Variants in KDM5A observed in about 807,000 individuals in gnomAD.
KDM5A encodes the protein lysine-specific demethylase 5A.
KDM5A carries 42 observed loss-of-function variants against 193.5 expected under a neutral mutation model. That is an observed-to-expected ratio of 0.22 (90% CI 0.17 to 0.28). The LOEUF is 0.28. Ranked by LOEUF, KDM5A falls within the 10% of genes least tolerant of loss-of-function variation. The probability of loss-of-function intolerance (pLI) is 1.00; values close to 1 mark genes in which losing one functional copy is unlikely to be tolerated. For missense variants in KDM5A, 1,692 were observed against 2,055.1 expected (o/e 0.82, Z 3.42); for synonymous variants, 796 against 718.1 (o/e 1.11, Z -1.73).
chr12:352,993 T>C (rs1278077930), intron 8 of KDM5A, among the ~76,000 whole-genome samples: 1 of 152,174 alleles, frequency 6.6e-6, no homozygotes, highest in Non-Finnish European at 1.5e-5. Context: ...ATGACAACAC[T>C]GTAAGCTTTC....
rs1591904883 is a variant in KDM5A, at chr12:307,224, C to A, written c.3931-135G>T. On this transcript the variant is annotated intron_variant, in intron 23 of 27. Coordinates refer to ENST00000399788, the MANE Select transcript of KDM5A (RefSeq NM_001042603.3). The surrounding 1 kb of genome is among the most constrained non-coding windows in gnomAD (Gnocchi z 4.3). ...GAGTTCTTCAACAGTTAGTAGAAATCAAATTATTTGATTATGATGCCAAAG... is the reference window on the plus strand; with the variant it reads ...GAGTTCTTCAACAGTTAGTAGAAATAAAATTATTTGATTATGATGCCAAAG... 3.6e-6 allele frequency: 4 copies of A among 1,125,810 alleles called. No homozygotes were observed. The East Asian group carries it at 1.0e-4, about 28-fold the overall frequency. 69.7% of individuals were successfully genotyped at this position (1,125,810 alleles called of 1,614,324 possible).
intron 13 of KDM5A, among the ~76,000 whole-genome samples, chr12:329,404 A>C (rs576223099): frequency 6.6e-6 from 1 of 152,258 alleles, no homozygotes; most frequent in Admixed American, 6.5e-5. Context: ...TAAATAATTA[A>C]ATAAGTTCAG....
chr12:369,256 T>C (rs1274125779), intron 3 of KDM5A, among the ~76,000 whole-genome samples: 2 of 152,242 alleles, frequency 1.3e-5, no homozygotes, highest in Non-Finnish European at 2.9e-5. Context: ...ATGGTTTAGA[T>C]AGAGGGCTGT....
chr12:335,750 C>CAG (rs1324468107), intron 10 of KDM5A, among the ~76,000 whole-genome samples: 1 of 152,006 alleles, frequency 6.6e-6, no homozygotes, highest in Non-Finnish European at 1.5e-5. Context: ...TTAAGAGTCA[C>CAG]AGAGAGGCGG....
intron 19 of KDM5A, among the ~76,000 whole-genome samples, chr12:317,436 CATT>C (rs1427078770): frequency 6.6e-6 from 1 of 152,176 alleles, no homozygotes; most frequent in Non-Finnish European, 1.5e-5. Context: ...TTTCGGTTAA[CATT>C]AATAAGGTAC....
At chr12:303,025 A>C (rs1462187713) in intron 24 of KDM5A, among the ~76,000 whole-genome samples, 5 of 152,198 alleles carry the variant, frequency 3.3e-5, no homozygotes, top group Non-Finnish European at 7.4e-5. Context: ...AACAGATGCT[A>C]CAGAGGATGT....
At position 389,179 on chromosome 12, in the gene KDM5A, G is replaced by A. The variant is rs1431819231; in HGVS notation, c.-88C>T. 1.9e-5 allele frequency: 24 copies of A among 1,235,378 alleles called. No homozygotes were observed. Among genetic ancestry groups the A allele is most frequent in the Non-Finnish European group, 2.5e-5 (21 of 837,318 alleles). The allele number at this position is 1,235,378 out of a possible 1,614,324, so 76.5% of individuals were successfully genotyped here. On this transcript the variant is annotated 5_prime_UTR_variant, in exon 1 of 28. It introduces an in-frame stop codon into an upstream open reading frame of the 5' UTR. Transcript: ENST00000399788. ...CCCACTAAGCCCGTTCAAGTCCCCTGACAGAGGCCGAAGCGCATCTTCGCG... is the reference window on the plus strand; with the variant it reads ...CCCACTAAGCCCGTTCAAGTCCCCTAACAGAGGCCGAAGCGCATCTTCGCG...
chr12:336,403 C>G (rs1022731949), intron 10 of KDM5A, among the ~76,000 whole-genome samples: 9 of 149,748 alleles, frequency 6.0e-5, no homozygotes, highest in African/African-American at 2.2e-4. Context: ...ATAACAAAGT[C>G]CAACACAGGT....
intron 17 of KDM5A, among the ~76,000 whole-genome samples, chr12:321,410 G>A (rs986328850): frequency 6.6e-6 from 1 of 152,200 alleles, no homozygotes; most frequent in African/African-American, 2.4e-5. Flanking sequence ...ATCTCAAGAA[G>A]GTTAAAATGT....
At chr12:326,351 G>A (rs1709629693) in intron 14 of KDM5A, among the ~76,000 whole-genome samples, 1 of 152,116 alleles carries the variant, frequency 6.6e-6, no homozygotes, top group Non-Finnish European at 1.5e-5. Flanking sequence ...CCTTAGATGA[G>A]AATTCCAAGA....
chr12:295,044 A>G (rs1484062440), intron 26 of KDM5A, among the ~76,000 whole-genome samples: 1 of 152,148 alleles, frequency 6.6e-6, no homozygotes, highest in Non-Finnish European at 1.5e-5. Context: ...TAGTCACTAT[A>G]TATTTTCCCC....
rs1185379855 is a variant in KDM5A at position 280,173 on chromosome 12, T to C, written c.*5283A>G. The C allele has an allele frequency of 4.3e-6, 1 of 232,306 alleles. No individual in the cohort carries two copies. The highest frequency in any genetic ancestry group is 8.5e-6 in the Non-Finnish European group (1 of 117,520). The allele number at this position is 232,306 out of a possible 1,614,324, so 14.4% of individuals were successfully genotyped here. On this transcript the variant is annotated 3_prime_UTR_variant, in exon 28 of 28. Coordinates refer to ENST00000399788, the MANE Select transcript of KDM5A (RefSeq NM_001042603.3). The stretch of plus-strand genomic sequence containing the variant: ...AAATCACTCTAGTTTATTCACATAA[T>C]ATAGTATTTGATTCCATTCTTTTGT...
intron 19 of KDM5A, among the ~76,000 whole-genome samples, chr12:313,797 C>T (rs1943618156): frequency 6.6e-6 from 1 of 152,114 alleles, no homozygotes; most frequent in Non-Finnish European, 1.5e-5. Flanking sequence ...TTATGGGAGG[C>T]AGTGATTAAT....
intron 10 of KDM5A, among the ~76,000 whole-genome samples, chr12:349,330 CT>C (rs749540223): frequency 2.9e-3 from 347 of 117,684 alleles, no homozygotes; most frequent in Non-Finnish European, 3.7e-3. Context: ...ATCTTCTAGA[CT>C]TTTTTTTTTT....
chr12:371,012 T>C (rs1944420895), intron 3 of KDM5A, among the ~76,000 whole-genome samples: 1 of 152,244 alleles, frequency 6.6e-6, no homozygotes, highest in South Asian at 2.1e-4. Context: ...ATCCAGTCTA[T>C]CATTGATGGA....
chr12:321,805 G>C (rs1187032686), intron 17 of KDM5A, among the ~76,000 whole-genome samples: 2 of 152,026 alleles, frequency 1.3e-5, no homozygotes, highest in Non-Finnish European at 2.9e-5. Flanking sequence ...CTTCAGCCTA[G>C]AGTTTCTATT....
chr12:380,361 C>T (rs1944559391), intron 3 of KDM5A, among the ~76,000 whole-genome samples: 1 of 151,778 alleles, frequency 6.6e-6, no homozygotes, highest in Non-Finnish European at 1.5e-5. Context: ...CAATAGATTA[C>T]TACTCATACT....
rs1486748549 is a variant in KDM5A at position 321,094 on chromosome 12, A to G, written c.2442T>C (p.Ser814=). The change falls in exon 18 of 28, where the codon AGT becomes AGC. Residue 814 remains serine (S), a synonymous_variant. Coordinates refer to ENST00000399788, the MANE Select transcript of KDM5A (RefSeq NM_001042603.3). Reference sequence around the variant, plus strand: ...CTGTCAGTTTGGTCCGAGTCCTCCCACTATCTGGGCTCTGTCTGATGTGAA... The same window carrying G: ...CTGTCAGTTTGGTCCGAGTCCTCCCGCTATCTGGGCTCTGTCTGATGTGAA... The part of the protein sequence containing the change: ...KKQKHRQSPD[S]GRTRTKLTVE... 6.2e-6 allele frequency: 10 copies of G among 1,612,940 alleles called. No individual in the cohort carries two copies. The highest frequency in any genetic ancestry group is 2.7e-5 in the African/African-American group (2 of 75,034).
chr12:302,972 T>A (rs1197715516), intron 24 of KDM5A, among the ~76,000 whole-genome samples: 1 of 152,154 alleles, frequency 6.6e-6, no homozygotes, highest in Non-Finnish European at 1.5e-5. Context: ...TGAGATACCA[T>A]CTCACACCAG....
Sources: gnomAD v4.1 joint callset for allele counts (sites outside exome capture counted in the v4.1 genomes callset) on GRCh38, gnomAD v4.1.1 for gene constraint, Gnocchi (gnomAD v3.1) non-coding constraint, MANE v1.5 for transcripts, NCBI Gene and HGNC (gene_info 2026-07-23, HGNC 2026-07-21) for gene names.